The following FAM171A1 variants were observed in gnomAD, a reference collection of about 807,000 sequenced individuals.
FAM171A1 encodes the protein protein FAM171A1.
A neutral mutation model predicts 74.9 loss-of-function variants in FAM171A1; 23 were observed. The ratio of observed to expected loss-of-function variants is 0.31; its 90% CI spans 0.22 to 0.44. FAM171A1 has a LOEUF of 0.44. FAM171A1 is among the 20% of genes least tolerant of loss of function. FAM171A1 has a pLI of 1.00. For missense variants in FAM171A1, 1,162 were observed against 1,159.2 expected (o/e 1.00, Z -0.03); for synonymous variants, 527 against 505.7 (o/e 1.04, Z -0.57).
At chr10:15,316,532 GA>G (rs780391109) in intron 1 of FAM171A1, among the ~76,000 whole-genome samples, 10 of 152,184 alleles carry the variant, frequency 6.6e-5, no homozygotes, top group Non-Finnish European at 1.0e-4. Context: ...GCAGGCTCCA[GA>G]CCTTCCAAGA....
At chr10:15,304,391 C>A (rs569259544) in intron 1 of FAM171A1, among the ~76,000 whole-genome samples, 1 of 152,262 alleles carries the variant, frequency 6.6e-6, no homozygotes, top group Admixed American at 6.5e-5. Context: ...GAGCCCACTC[C>A]CCAGCCACAT....
At chr10:15,219,275 T>G (rs1336509407) in intron 6 of FAM171A1, among the ~76,000 whole-genome samples, 1 of 151,744 alleles carries the variant, frequency 6.6e-6, no homozygotes, top group East Asian at 1.9e-4. Context: ...AGAACAAAAC[T>G]CTGTCTCAAA....
intron 1 of FAM171A1, among the ~76,000 whole-genome samples, chr10:15,346,505 G>C (rs1835818707): frequency 6.6e-6 from 1 of 152,200 alleles, no homozygotes; most frequent in African/African-American, 2.4e-5. Context: ...AAGCTCAAAT[G>C]CTCTGAGCAA....
intron 1 of FAM171A1, among the ~76,000 whole-genome samples, chr10:15,329,582 T>C (rs1294477448): frequency 6.8e-6 from 1 of 147,258 alleles, no homozygotes; most frequent in African/African-American, 2.5e-5. Flanking sequence ...AACGTGATCA[T>C]GCCACTGCAC....
intron 5 of FAM171A1, among the ~76,000 whole-genome samples, chr10:15,226,391 G>A (rs189828424): frequency 6.6e-6 from 1 of 152,304 alleles, no homozygotes; most frequent in East Asian, 1.9e-4. Flanking sequence ...ATCATTGATT[G>A]TTACATAGTT....
At chr10:15,293,028 G>A (rs1029866987) in intron 1 of FAM171A1, among the ~76,000 whole-genome samples, 2 of 152,098 alleles carry the variant, frequency 1.3e-5, no homozygotes, top group African/African-American at 2.4e-5. Context: ...TTTTATGCGT[G>A]ACATTGATTA....
At chr10:15,370,527 C>T (rs1836127767) in intron 1 of FAM171A1, among the ~76,000 whole-genome samples, 1 of 152,052 alleles carries the variant, frequency 6.6e-6, no homozygotes, top group South Asian at 2.1e-4. Context: ...CTGGGACTTC[C>T]CAGACCCGAG....
chr10:15,323,917 C>T (rs564429471), intron 1 of FAM171A1, among the ~76,000 whole-genome samples: 10 of 152,092 alleles, frequency 6.6e-5, no homozygotes, highest in African/African-American at 2.2e-4. Flanking sequence ...AAGACTTCCA[C>T]TTTCAGTGCC....
chr10:15,313,829 T>A (rs1194951990), intron 1 of FAM171A1, among the ~76,000 whole-genome samples: 1 of 151,968 alleles, frequency 6.6e-6, no homozygotes, highest in Non-Finnish European at 1.5e-5. Context: ...TTTGCAAGAG[T>A]GTGTGATCAG....
At chr10:15,220,673 TGAA>T (rs1834026123) in intron 6 of FAM171A1, among the ~76,000 whole-genome samples, 1 of 152,126 alleles carries the variant, frequency 6.6e-6, no homozygotes, top group Non-Finnish European at 1.5e-5. Context: ...GGGCTTTTGA[TGAA>T]GAATTCCCTA....
chr10:15,326,378 G>A (rs1364690517), intron 1 of FAM171A1, among the ~76,000 whole-genome samples: 1 of 152,046 alleles, frequency 6.6e-6, no homozygotes, highest in Admixed American at 6.5e-5. Context: ...GCAGTGGCAT[G>A]CTCCTGGCTT....
At chr10:15,336,354 T>C (rs1159661917) in intron 1 of FAM171A1, among the ~76,000 whole-genome samples, 1 of 151,678 alleles carries the variant, frequency 6.6e-6, no homozygotes, top group Non-Finnish European at 1.5e-5. Context: ...GGCAGTTTTA[T>C]CATATACAAT....
intron 5 of FAM171A1, among the ~76,000 whole-genome samples, chr10:15,235,032 G>C (rs1834265516): frequency 6.6e-6 from 1 of 152,036 alleles, no homozygotes; most frequent in African/African-American, 2.4e-5. Context: ...CCCCTATGCC[G>C]GGCGTGGTGT....
chr10:15,307,692 A>C (rs1048787637), intron 1 of FAM171A1, among the ~76,000 whole-genome samples: 5 of 151,010 alleles, frequency 3.3e-5, no homozygotes, highest in Admixed American at 1.3e-4. Context: ...GAAGATCTCA[A>C]AACAGTTCTA....
Position 15,213,343 on chromosome 10 carries a change from G to A in FAM171A1, c.2245C>T (p.Pro749Ser). Reference protein sequence around the residue: ...SLDSGVDMNEPKSARKGRGDA... With the variant: ...SLDSGVDMNESKSARKGRGDA... ...CCCCTTCCCTTCCGGGCTGATTTTGGTTCATTCATATCTACGCCAGAGTCC... is the reference window on the plus strand; with the variant it reads ...CCCCTTCCCTTCCGGGCTGATTTTGATTCATTCATATCTACGCCAGAGTCC... Residue 749 changes from proline (P) to serine (S), a missense_variant, in exon 8 of 8, where the codon CCA becomes TCA. Pro to Ser is a moderately conservative substitution (Grantham distance 74). Transcript: ENST00000378116. This position sits in a 1 kb window ranked among gnomAD's most constrained non-coding sequence, Gnocchi z 6.8. 6.2e-7 allele frequency: 1 copy of A among 1,614,152 alleles called. No homozygotes were observed. Among genetic ancestry groups the A allele is most frequent in the Non-Finnish European group, 8.5e-7 (1 of 1,180,018 alleles).
chr10:15,354,782 G>C (rs958734436), intron 1 of FAM171A1, among the ~76,000 whole-genome samples: 2 of 152,168 alleles, frequency 1.3e-5, no homozygotes, highest in African/African-American at 4.8e-5. Flanking sequence ...GTCAACAGAC[G>C]ATAGGTGAAT....
chr10:15,236,825 T>A (rs894468580), intron 5 of FAM171A1, among the ~76,000 whole-genome samples: 1 of 152,094 alleles, frequency 6.6e-6, no homozygotes, highest in African/African-American at 2.4e-5. Context: ...GCGTGGTGGC[T>A]CACTGCCTGT....
chr10:15,245,583 T>C (rs140862121), intron 5 of FAM171A1, among the ~76,000 whole-genome samples: 13 of 152,370 alleles, frequency 8.5e-5, no homozygotes, highest in Admixed American at 2.0e-4. Context: ...ACTATTATTA[T>C]TGCCATTTCA....
chr10:15,244,618 G>T (rs1160800324), intron 5 of FAM171A1, among the ~76,000 whole-genome samples: 1 of 152,204 alleles, frequency 6.6e-6, no homozygotes, highest in Non-Finnish European at 1.5e-5. Flanking sequence ...GCCAGAAACT[G>T]TTATTGATCA....
Sources: gnomAD v4.1 joint callset for allele counts (sites outside exome capture counted in the v4.1 genomes callset) on GRCh38, gnomAD v4.1.1 for gene constraint, Gnocchi (gnomAD v3.1) non-coding constraint, MANE v1.5 for transcripts, NCBI Gene and HGNC (gene_info 2026-07-23, HGNC 2026-07-21) for gene names.